The following SEMA6D variants were observed in gnomAD, a reference collection of about 807,000 sequenced individuals.
SEMA6D encodes semaphorin 6D, also known as semaphorin-6D.
In SEMA6D, 35 loss-of-function variants were observed where a neutral mutation model predicts 106.6. The observed-to-expected ratio is 0.33, with a 90% CI of 0.25 to 0.44. SEMA6D has a LOEUF of 0.44. Ranked by LOEUF, SEMA6D falls within the 20% of genes least tolerant of loss-of-function variation. The probability of loss-of-function intolerance (pLI) is 1.00; values close to 1 mark genes in which losing one functional copy is unlikely to be tolerated. For missense variants in SEMA6D, 1,185 were observed against 1,345.9 expected, an observed-to-expected ratio of 0.88 and a Z score of 1.87; for synonymous variants, 499 against 487.7, an observed-to-expected ratio of 1.02 and a Z score of -0.31.
At chr15:47,533,561 G>A (rs141387809) in intron 3 of SEMA6D, among the ~76,000 whole-genome samples, 34 of 152,232 alleles carry the variant, frequency 2.2e-4, no homozygotes, top group African/African-American at 6.5e-4. Context: ...TGGGAAGCGC[G>A]GGAAGTGAAG....
chr15:47,261,657 A>G (rs532484528), intron 1 of SEMA6D, among the ~76,000 whole-genome samples: 4 of 152,160 alleles, frequency 2.6e-5, no homozygotes, highest in African/African-American at 9.7e-5. Flanking sequence ...CCCTTTAGCT[A>G]TCACCTATTG....
At chr15:47,445,543 G>A (rs1417409056) in intron 2 of SEMA6D, among the ~76,000 whole-genome samples, 3 of 151,914 alleles carry the variant, frequency 2.0e-5, no homozygotes, top group African/African-American at 4.8e-5. Flanking sequence ...GATAATTATG[G>A]TGTATATCAG....
chr15:47,213,269 G>A (rs919034599), intron 1 of SEMA6D, among the ~76,000 whole-genome samples: 2 of 152,230 alleles, frequency 1.3e-5, no homozygotes, highest in Non-Finnish European at 1.5e-5. Context: ...CTGTTGGACA[G>A]CATTGCTCTT....
chr15:47,741,231 T>A (rs2147036781), intron 1 of SEMA6D, among the ~76,000 whole-genome samples: 1 of 152,320 alleles, frequency 6.6e-6, no homozygotes, highest in African/African-American at 2.4e-5. Context: ...ATTATTTAAT[T>A]TTGTGACCAA....
intron 1 of SEMA6D, among the ~76,000 whole-genome samples, chr15:47,407,624 T>C (rs1307965536): frequency 6.6e-6 from 1 of 152,156 alleles, no homozygotes; most frequent in Non-Finnish European, 1.5e-5. Flanking sequence ...CCCACCTTCT[T>C]GGTGCAAAAA....
At chr15:47,229,717 G>A (rs1017004957) in intron 1 of SEMA6D, among the ~76,000 whole-genome samples, 2 of 152,098 alleles carry the variant, frequency 1.3e-5, no homozygotes, top group African/African-American at 4.8e-5. Context: ...GACAATTACA[G>A]TCATATTGGT....
chr15:47,500,668 G>A (rs1334492192), intron 3 of SEMA6D, among the ~76,000 whole-genome samples: 2 of 152,130 alleles, frequency 1.3e-5, no homozygotes, highest in African/African-American at 4.8e-5. Context: ...AGTGTGATGT[G>A]GGACCCAGGT....
chr15:47,221,650 A>T (rs1228292997), intron 1 of SEMA6D, among the ~76,000 whole-genome samples: 2 of 152,260 alleles, frequency 1.3e-5, no homozygotes, highest in Admixed American at 1.3e-4. Context: ...GAATGTAAAC[A>T]AAAGACAGTG....
intron 1 of SEMA6D, among the ~76,000 whole-genome samples, chr15:47,307,360 A>G (rs891523964): frequency 6.6e-5 from 10 of 152,332 alleles, no homozygotes; most frequent in African/African-American, 2.4e-4. Context: ...AAACCATCAA[A>G]TGACAGGGAA....
rs574863554 is a variant in SEMA6D at position 47,501,508 on chromosome 15, T to TA, written c.-87+30964dup. On this transcript the variant is annotated intron_variant, in intron 3 of 19. Transcript: ENST00000558014. ...TAAATGGGACATCGTTCTGTCTTCTTACTTTACAAGGTAAGATTTAAATTT... is the reference window on the plus strand; with the variant it reads ...TAAATGGGACATCGTTCTGTCTTCTTAACTTTACAAGGTAAGATTTAAATTT... 1.6e-4 allele frequency among the ~76,000 whole-genome samples: 24 copies of TA among 152,324 alleles called. No homozygotes were observed. The South Asian group carries it at 5.0e-3, about 32-fold the overall frequency.
At chr15:47,343,248 T>TTTATTATTATTATTATTATTA (rs10637657) in intron 1 of SEMA6D, among the ~76,000 whole-genome samples, 9,273 of 146,036 alleles carry the variant, frequency 0.063, 736 homozygotes, top group African/African-American at 0.19. Flanking sequence ...TAGTTGGATT[T>TTTATTATTATTATTATTATTA]TTATTATTAT....
chr15:47,531,415 C>A (rs914826076), intron 3 of SEMA6D, among the ~76,000 whole-genome samples: 1 of 152,224 alleles, frequency 6.6e-6, no homozygotes, highest in Non-Finnish European at 1.5e-5. Flanking sequence ...GCCAAACATA[C>A]TGGATTCTGT....
chr15:47,714,752 G>A (rs145643557), upstream of SEMA6D, among the ~76,000 whole-genome samples: 17 of 152,254 alleles, frequency 1.1e-4, no homozygotes, highest in African/African-American at 3.6e-4. Flanking sequence ...TCCTGGGGAC[G>A]CAGGATGAAT....
At chr15:47,315,615 T>G (rs2143334777) in intron 1 of SEMA6D, among the ~76,000 whole-genome samples, 1 of 152,330 alleles carries the variant, frequency 6.6e-6, no homozygotes, top group Admixed American at 6.5e-5. Flanking sequence ...TTATAATTAG[T>G]TTGTCAACAT....
intron 2 of SEMA6D, among the ~76,000 whole-genome samples, chr15:47,467,454 G>T (rs890429526): frequency 5.3e-5 from 8 of 152,086 alleles, no homozygotes. Flanking sequence ...TTGACATAAG[G>T]CCATATACCC....
intron 4 of SEMA6D, among the ~76,000 whole-genome samples, chr15:47,708,798 A>T (rs1184337064): frequency 1.3e-5 from 2 of 152,210 alleles, no homozygotes; most frequent in African/African-American, 2.4e-5. Flanking sequence ...CAGTGTGATA[A>T]GCACCAGACT....
chr15:47,304,379 G>C (rs1161756034), intron 1 of SEMA6D, among the ~76,000 whole-genome samples: 1 of 144,490 alleles, frequency 6.9e-6, no homozygotes, highest in Non-Finnish European at 1.5e-5. Context: ...CTGGGAGGCG[G>C]AGGATGCAGT....
rs1294768736 is a variant in SEMA6D at position 47,762,223 on chromosome 15, G to A, written c.562G>A (p.Val188Met). 1 of 1,613,644 alleles carries A rather than the reference G, an allele frequency of 6.2e-7. No homozygotes were observed. The highest frequency in any genetic ancestry group is 8.5e-7 in the Non-Finnish European group (1 of 1,179,634). Residue 188 changes from valine (V) to methionine (M), a missense_variant, in exon 8 of 19, where the codon GTG (valine) becomes ATG (methionine). By Grantham distance (21) the Val-to-Met change is conservative. Around this residue, in one of 3 missense-constraint regions of SEMA6D, gnomAD observed 291 missense variants for 423.8 expected, o/e 0.69. Coordinates refer to ENST00000536845, the MANE Select transcript of SEMA6D (RefSeq NM_001358351.3). ...AGATGGGAAGCTGTATTCTGCCACA[G>A]TGGCTGACTTCTTGGCCAGCGATGC... ...FADGKLYSAT[V>M]ADFLASDAVI... is the part of the protein sequence containing the mutation.
rs531401465 is a variant in SEMA6D, at chr15:47,395,616, C to T, written c.-238-16777C>T. 3 of 152,272 alleles carry T rather than the reference C, an allele frequency of 2.0e-5. No individual in the cohort carries two copies. In the East Asian group the frequency reaches 5.8e-4, roughly 29 times the overall value. 9.4% of individuals were successfully genotyped at this position (152,272 alleles called of 1,614,324 possible). On this transcript the variant is annotated intron_variant, in intron 1 of 19. Transcript: ENST00000558014. ...AGAGGACCTGTCCAGCAGGCAGGAG[C>T]TATCATGTGGAGAAATGCCCTGATG...
Sources: allele counts gnomAD v4.1 joint callset (sites outside exome capture counted in the v4.1 genomes callset), GRCh38; gene constraint gnomAD v4.1.1; regional missense constraint gnomAD v4.1.1; transcripts MANE v1.5; gene names NCBI Gene and HGNC (gene_info 2026-07-23, HGNC 2026-07-21).